SYMPK: variants seen among roughly 807,000 people sequenced by gnomAD.
SYMPK encodes the protein symplekin.
A neutral mutation model predicts 136.4 loss-of-function variants in SYMPK; 49 were observed. The ratio of observed to expected loss-of-function variants is 0.36; its 90% confidence interval spans 0.29 to 0.46. SYMPK has a LOEUF of 0.46. Among genes scored for constraint, SYMPK ranks in the 20% least tolerant of loss-of-function variants. The pLI is 1.00. For synonymous variants in SYMPK, 766 were observed against 713.0 expected (o/e 1.07, Z -1.19); for missense variants, 1,365 against 1,690.0 (o/e 0.81, Z 3.37).
At position 45,831,585 on chromosome 19, in the gene SYMPK, A is replaced by G; in HGVS notation, c.1397T>C (p.Val466Ala). The G allele has an allele frequency of 1.9e-6, 3 of 1,595,100 alleles. No individual in the cohort carries two copies. ...QMTAAGLGPG[V>A]EQTKQCKEEP... ...CTCCTTGCACTGTTTGGTCTGCTCTACACCTGAGGGGGAGGCAGCAAACAG... is the reference window on the plus strand; with the variant it reads ...CTCCTTGCACTGTTTGGTCTGCTCTGCACCTGAGGGGGAGGCAGCAAACAG... Residue 466 changes from valine (V) to alanine (A), a missense_variant, in exon 12 of 27, where the codon GTA becomes GCA. Val to Ala is a moderately conservative substitution (Grantham distance 64). This residue lies in a region of SYMPK where 46 missense variants were observed against 63.9 expected (regional missense o/e 0.72). Coordinates refer to ENST00000245934, the MANE Select transcript of SYMPK (RefSeq NM_004819.3).
intron 7 of SYMPK, 133 bp from the exon 8 acceptor site, chr19:45,844,333 TGTG>T: frequency 1.5e-6 from 1 of 661,490 alleles, no homozygotes; most frequent in Non-Finnish European, 2.4e-6. Flanking sequence ...AAACAGAAAA[TGTG>T]GTGGTTGATT....
intron 13 of SYMPK, 108 bp downstream of exon 13, chr19:45,829,946 T>G: frequency 1.5e-6 from 2 of 1,299,714 alleles, no homozygotes; most frequent in Non-Finnish European, 2.1e-6. Context: ...AGAGCTGGGG[T>G]CCGCAGCCAG....
chr19:45,824,588 C>T (rs954620552), intron 18 of SYMPK, among the ~76,000 whole-genome samples: 2 of 152,220 alleles, frequency 1.3e-5, no homozygotes, highest in African/African-American at 4.8e-5. Flanking sequence ...CCGTTTATCA[C>T]GAAAATGTTC....
At position 45,861,088 on chromosome 19, in the gene SYMPK, A is replaced by T. The variant is rs1399270826; in HGVS notation, c.-13+1970T>A. Among the ~76,000 whole-genome samples, 3 of 152,134 alleles carry T rather than the reference A, an allele frequency of 2.0e-5. No homozygotes were observed. In the East Asian group the frequency reaches 5.8e-4, roughly 29 times the overall value. ...ACAACCGGCATGGCATGCCGTCCCC[A>T]GTCAAAACATAAAAAAAACAGGCCG... On this transcript the variant is annotated intron_variant, in intron 1 of 26. Coordinates refer to ENST00000245934, the MANE Select transcript of SYMPK (RefSeq NM_004819.3).
intron 8 of SYMPK, 59 bp downstream of exon 8, chr19:45,843,955 AAAAAAAAAAAAAAAAG>A: frequency 4.0e-6 from 4 of 1,009,224 alleles, no homozygotes; most frequent in Non-Finnish European, 5.1e-6. Context: ...AAAAAAAAAA[AAAAAAAAAAAAAAAAG>A]AAAGAGCAGA....
chr19:45,822,180 A>G (rs10424514), intron 21 of SYMPK, among the ~76,000 whole-genome samples: 126,212 of 146,582 alleles, frequency 0.86, 54,262 homozygotes, highest in East Asian at 0.91. Context: ...GTGCACTGGC[A>G]CGATCTCCGC....
chr19:45,823,214 G>C (rs77588767), intron 20 of SYMPK, among the ~76,000 whole-genome samples, 158 bp downstream of exon 20: 12,318 of 152,254 alleles, frequency 0.081, 563 homozygotes, highest in Non-Finnish European at 0.099. Flanking sequence ...GGGTACCCAG[G>C]TGTCGGCGGC....
At chr19:45,860,395 T>C (rs1600540162) in intron 1 of SYMPK, among the ~76,000 whole-genome samples, 1 of 148,956 alleles carries the variant, frequency 6.7e-6, no homozygotes, top group Non-Finnish European at 1.5e-5. Context: ...GAGGAGGAGG[T>C]TGCAGTGAGC....
At chr19:45,823,563 C>G (rs1970960888) in intron 19 of SYMPK, 91 bp from the exon 20 acceptor site, 1 of 1,273,220 alleles carries the variant, frequency 7.9e-7, no homozygotes, top group Admixed American at 1.8e-5. Flanking sequence ...GGCAGGTGTG[C>G]AGGAAGGGAT....
intron 1 of SYMPK, 62 bp from the exon 2 acceptor site, chr19:45,854,569 G>T: frequency 1.4e-6 from 2 of 1,396,288 alleles, no homozygotes; most frequent in African/African-American, 1.4e-5. Context: ...GGCTGGGCTG[G>T]ATTGTCACCC....
intron 9 of SYMPK, among the ~76,000 whole-genome samples, chr19:45,841,297 C>CTT (rs1038779942): frequency 3.5e-5 from 5 of 141,522 alleles, no homozygotes; most frequent in African/African-American, 1.3e-4. Flanking sequence ...CCCCCCCCAC[C>CTT]TTTTTTTTTT....
chr19:45,852,546 A>AT lies in SYMPK; in HGVS notation c.172-12dup. ...GATCAGCTCCTGGACCTGGAAGGAG[A>AT]TTGGGGGTGGGGAGGAGGAATACCC... On this transcript the variant is annotated splice_polypyrimidine_tract_variant and intron_variant, in intron 3 of 26. Transcript: ENST00000245934. 1 of 1,613,840 alleles carries AT rather than the reference A, an allele frequency of 6.2e-7. No individual in the cohort carries two copies. Among genetic ancestry groups the AT allele is most frequent in the African/African-American group, 1.3e-5 (1 of 74,904 alleles).
chr19:45,832,692 C>T (rs1464148710), intron 11 of SYMPK, among the ~76,000 whole-genome samples: 1 of 151,980 alleles, frequency 6.6e-6, no homozygotes, highest in Non-Finnish European at 1.5e-5. Context: ...TAGTACCTCA[C>T]ACGACAACAA....
chr19:45,852,660 C>T (rs1971725548), intron 3 of SYMPK, 125 bp from the exon 4 acceptor site: 1 of 1,138,042 alleles, frequency 8.8e-7, no homozygotes, highest in Non-Finnish European at 1.3e-6. Context: ...ATTTCAATGC[C>T]TGGCTCTGCT....
chr19:45,835,052 C>G lies in SYMPK; in HGVS notation c.1393+26G>C, dbSNP rs758616922. On this transcript the variant is annotated intron_variant, in intron 11 of 26. Coordinates refer to ENST00000245934, the MANE Select transcript of SYMPK (RefSeq NM_004819.3). ...GAAGCCACAAGTGCCAATCCCTGGC[C>G]CAGGTTAGGGCCAGGACACACTCAC... The G allele has an allele frequency of 1.0e-5, 15 of 1,498,118 alleles. No individual in the cohort carries two copies. The South Asian group carries it at 2.0e-4, about 20-fold the overall frequency. 92.8% of individuals were successfully genotyped at this position (1,498,118 alleles called of 1,614,324 possible). A position where few individuals can be genotyped will look rare whatever the true frequency, so the allele number is the denominator to read the frequency against.
At chr19:45,822,319 T>C (rs1970927855) in intron 21 of SYMPK, among the ~76,000 whole-genome samples, 1 of 152,104 alleles carries the variant, frequency 6.6e-6, no homozygotes, top group Middle Eastern at 3.4e-3. Context: ...GGGGTTTCAC[T>C]GTGTTAGCCA....
At chr19:45,826,552 C>T (rs113000893) in intron 16 of SYMPK, among the ~76,000 whole-genome samples, 179 bp from the exon 17 acceptor site, 17 of 152,302 alleles carry the variant, frequency 1.1e-4, no homozygotes, top group East Asian at 3.9e-4. Context: ...TGGCCAGGGC[C>T]GGACCCGCAG....
intron 1 of SYMPK, among the ~76,000 whole-genome samples, chr19:45,858,455 CTCT>C (rs1291072540): frequency 6.6e-6 from 1 of 152,300 alleles, no homozygotes; most frequent in East Asian, 1.9e-4. Flanking sequence ...AACTCCTTCC[CTCT>C]TCATTTCCTT....
chr19:45,826,179 C>T lies in SYMPK; in HGVS notation c.2329+47G>A, dbSNP rs777339638. 7.0e-6 allele frequency: 11 copies of T among 1,567,368 alleles called. No individual in the cohort carries two copies. The South Asian group carries it at 1.0e-4, about 15-fold the overall frequency. On this transcript the variant is annotated intron_variant, in intron 17 of 26. Transcript: ENST00000245934. ...TCCCCTCTGCTCGCAGGGCCCAGAG[C>T]GCGGACACAGCAGCGCTCAGTATGC... is the stretch of plus-strand genomic sequence containing the variant.
Sources: gnomAD v4.1 joint callset for allele counts (sites outside exome capture counted in the v4.1 genomes callset) on GRCh38, gnomAD v4.1.1 for gene constraint, gnomAD v4.1.1 regional missense constraint, MANE v1.5 for transcripts, NCBI Gene and HGNC (gene_info 2026-07-23, HGNC 2026-07-21) for gene names.